The following ERC1 variants were observed in gnomAD, a reference collection of about 807,000 sequenced individuals.
ERC1 encodes the protein RAB6 interacting protein 2.
In ERC1, 56 loss-of-function variants were observed where a neutral mutation model predicts 132.0. The observed-to-expected ratio is 0.42, with a 90% CI of 0.34 to 0.53. The LOEUF (loss-of-function observed/expected upper bound fraction) is 0.53, where lower values mean the gene tolerates loss of function less well. Among genes scored for constraint, ERC1 ranks in the 20% least tolerant of loss-of-function variants. ERC1 has a pLI of 0.03. For synonymous variants in ERC1, 478 were observed against 476.1 expected (o/e 1.00, Z -0.05); for missense variants, 1,202 against 1,349.9 (o/e 0.89, Z 1.72).
chr12:1,181,238 T>C (rs977403644), intron 9 of ERC1, among the ~76,000 whole-genome samples: 2 of 152,228 alleles, frequency 1.3e-5, no homozygotes, highest in African/African-American at 2.4e-5. Context: ...CCCCCCTTTT[T>C]TGGTGTGTGA....
chr12:1,231,506 A>C (rs1300956805), intron 12 of ERC1, among the ~76,000 whole-genome samples: 1 of 152,174 alleles, frequency 6.6e-6, no homozygotes, highest in Non-Finnish European at 1.5e-5. Flanking sequence ...TATTTTTACC[A>C]GTGAGTTTTA....
chr12:1,437,136 G>C (rs1409948693), intron 17 of ERC1, among the ~76,000 whole-genome samples: 1 of 152,184 alleles, frequency 6.6e-6, no homozygotes, highest in Non-Finnish European at 1.5e-5. Context: ...ACACATTTCT[G>C]CTCCTGGAAT....
intron 6 of ERC1, among the ~76,000 whole-genome samples, chr12:1,114,420 A>G (rs1176323623): frequency 6.6e-6 from 1 of 152,234 alleles, no homozygotes; most frequent in Non-Finnish European, 1.5e-5. Context: ...GATGATGACG[A>G]AACAGATTTT....
chr12:1,411,909 A>T (rs1296159596), intron 17 of ERC1, among the ~76,000 whole-genome samples: 1 of 152,218 alleles, frequency 6.6e-6, no homozygotes, highest in East Asian at 1.9e-4. Context: ...AAAGTAAGCA[A>T]ATCAGTATAT....
chr12:1,258,104 A>G lies in ERC1; in HGVS notation c.2488-4930A>G, dbSNP rs191471590. ...CTTCTAAGCTAGCGGCAGATTAAGA[A>G]TGCCTATAAACAACAGGTATGATTT... On this transcript the variant is annotated intron_variant, in intron 13 of 18. Coordinates refer to ENST00000360905, the MANE Select transcript of ERC1 (RefSeq NM_178040.4). Among the ~76,000 whole-genome samples the G allele has an allele frequency of 5.9e-5, 9 of 152,314 alleles. No individual in the cohort carries two copies. In the East Asian group the frequency reaches 1.7e-3, roughly 29 times the overall value.
At chr12:1,285,762 A>G (rs902318247) in intron 14 of ERC1, among the ~76,000 whole-genome samples, 10 of 152,214 alleles carry the variant, frequency 6.6e-5, no homozygotes, top group African/African-American at 2.4e-4. Flanking sequence ...GGAAATATAA[A>G]AGAGAGGGAA....
chr12:1,447,892 G>A (rs2093342977), intron 18 of ERC1, among the ~76,000 whole-genome samples: 1 of 152,046 alleles, frequency 6.6e-6, no homozygotes, highest in African/African-American at 2.4e-5. Context: ...TCAGGCAGAC[G>A]GCCTGCCTTG....
At chr12:1,141,873 G>C (rs1949892763) in intron 8 of ERC1, 86 bp downstream of exon 8, 1 of 1,089,762 alleles carries the variant, frequency 9.2e-7, no homozygotes, top group South Asian at 2.6e-5. Context: ...TGCTGTCAGA[G>C]TTTCTTGCTC....
chr12:1,114,586 A>G (rs906054909), intron 6 of ERC1, among the ~76,000 whole-genome samples: 2 of 152,164 alleles, frequency 1.3e-5, no homozygotes, highest in African/African-American at 4.8e-5. Flanking sequence ...GTGTTAGGGA[A>G]TGGAATAGTG....
chr12:1,197,300 T>A (rs114749704), intron 12 of ERC1, among the ~76,000 whole-genome samples: 1,651 of 152,226 alleles, frequency 0.011, 33 homozygotes, highest in African/African-American at 0.036. Flanking sequence ...GTTATACAGA[T>A]GTTTGAGGTT....
intron 17 of ERC1, among the ~76,000 whole-genome samples, chr12:1,438,954 A>AAAAAAAAAAAAAATATATATATATAT (rs1015181197): frequency 7.0e-6 from 1 of 143,492 alleles, no homozygotes; most frequent in African/African-American, 2.6e-5. Context: ...TTTAAAAAAA[A>AAAAAAAAAAAAAATATATATATATAT]ATATATATAT....
At chr12:1,099,979 C>T (rs1237205791) in intron 3 of ERC1, among the ~76,000 whole-genome samples, 2 of 150,760 alleles carry the variant, frequency 1.3e-5, no homozygotes, top group Non-Finnish European at 2.9e-5. Context: ...TCCCCAGTAG[C>T]TGGGATTGCA....
At chr12:1,434,844 A>G (rs1361534132) in intron 17 of ERC1, among the ~76,000 whole-genome samples, 1 of 152,216 alleles carries the variant, frequency 6.6e-6, no homozygotes, top group African/African-American at 2.4e-5. Context: ...AGTCAATTGT[A>G]TATTTTCAAA....
intron 2 of ERC1, among the ~76,000 whole-genome samples, chr12:1,049,583 G>A (rs1215197196): frequency 6.6e-6 from 1 of 152,058 alleles, no homozygotes; most frequent in African/African-American, 2.4e-5. Context: ...AGTTGGTAGT[G>A]TGAACTGAAA....
At chr12:1,247,153 C>G (rs560571151) in intron 13 of ERC1, among the ~76,000 whole-genome samples, 3 of 149,222 alleles carry the variant, frequency 2.0e-5, no homozygotes, top group African/African-American at 7.6e-5. Context: ...GCAGTGAGCC[C>G]AGGAGTTTGA....
rs1303224264 is a variant in ERC1 at position 1,492,793 on chromosome 12, T to C, written c.*2563T>C. On this transcript the variant is annotated 3_prime_UTR_variant, in exon 19 of 19. Coordinates refer to ENST00000360905, the MANE Select transcript of ERC1 (RefSeq NM_178040.4). The stretch of plus-strand genomic sequence containing the variant: ...GGCAGAGTGGATGCAGTTTGTAGCT[T>C]TCAGAGTGTCTCATTGAGTCTAGAT... The C allele has an allele frequency of 4.3e-6, 1 of 231,984 alleles. No individual in the cohort carries two copies. The highest frequency in any genetic ancestry group is 8.5e-6 in the Non-Finnish European group (1 of 117,346). 14.4% of individuals were successfully genotyped at this position (231,984 alleles called of 1,614,324 possible).
At chr12:1,355,034 T>A (rs1323905153) in intron 15 of ERC1, among the ~76,000 whole-genome samples, 1 of 152,180 alleles carries the variant, frequency 6.6e-6, no homozygotes, top group Non-Finnish European at 1.5e-5. Flanking sequence ...AAGGTGGGGT[T>A]CCATGATCAG....
intron 2 of ERC1, among the ~76,000 whole-genome samples, chr12:1,075,713 C>G (rs1941227276): frequency 1.3e-5 from 2 of 148,940 alleles, no homozygotes; most frequent in Non-Finnish European, 3.0e-5. Context: ...GGAAACAGAG[C>G]AAGACTGTCT....
At position 1,083,549 on chromosome 12, in the gene ERC1, A is replaced by G. The variant is rs778868067; in HGVS notation, c.1055A>G (p.Gln352Arg). ...HVHHLESLLE[Q>R]KEKENSMLRE... ...CATCACCTAGAAAGCCTTTTGGAGC[A>G]GAAGGAAAAAGAGAACAGTATGTTG... Residue 352 changes from glutamine to arginine, a missense_variant, in exon 3 of 19, where the codon CAG becomes CGG. Coordinates refer to ENST00000360905, the MANE Select transcript of ERC1 (RefSeq NM_178040.4). The G allele has an allele frequency of 6.2e-7, 1 of 1,607,168 alleles. No homozygotes were observed. The highest frequency in any genetic ancestry group is 2.2e-5 in the East Asian group (1 of 44,886).
Sources: gnomAD v4.1 joint callset for allele counts (sites outside exome capture counted in the v4.1 genomes callset) on GRCh38, gnomAD v4.1.1 for gene constraint, MANE v1.5 for transcripts, NCBI Gene and HGNC (gene_info 2026-07-23, HGNC 2026-07-21) for gene names.